LARGE1: variants seen among roughly 807,000 people sequenced by gnomAD.
LARGE1 encodes the protein xylosyl- and glucuronyltransferase LARGE1.
Under a neutral mutation model 87.6 loss-of-function variants are expected in LARGE1, and 43 were observed. That is an observed-to-expected ratio of 0.49 (90% CI 0.38 to 0.63). LARGE1 has a LOEUF of 0.63. LARGE1 is among the 30% of genes least tolerant of loss of function. The pLI is 0.00. For missense variants in LARGE1, 802 were observed against 1,000.2 expected (o/e 0.80, Z 2.67); for synonymous variants, 434 against 394.6 (o/e 1.10, Z -1.18).
chr22:33,402,281 A>G (rs915995918), intron 7 of LARGE1, among the ~76,000 whole-genome samples: 1 of 152,172 alleles, frequency 6.6e-6, no homozygotes, highest in Non-Finnish European at 1.5e-5. Flanking sequence ...GGGCATCACT[A>G]AGTCAACGTC....
Position 33,257,118 on chromosome 22 carries a change from T to C in LARGE1, c.1730+47111A>G, listed in dbSNP as rs79809976. Among the ~76,000 whole-genome samples the C allele has an allele frequency of 0.011, 1,671 of 152,148 alleles. 64 individuals are homozygous for C. In the East Asian group the frequency reaches 0.11, roughly 10 times the overall value. On this transcript the variant is annotated intron_variant, in intron 11 of 11. Coordinates refer to the LARGE1 transcript ENST00000608642. ...TACTCTGGAGGCTGAGGCAGGAGAA[T>C]CGATTGAACCCAGGAAGTGGAGGTT...
chr22:33,340,026 C>T (rs567184437), intron 9 of LARGE1, among the ~76,000 whole-genome samples: 1 of 148,930 alleles, frequency 6.7e-6, no homozygotes, highest in Admixed American at 6.6e-5. Context: ...TTATTAATAT[C>T]TGGTGGCATT....
intron 9 of LARGE1, among the ~76,000 whole-genome samples, chr22:33,354,649 T>C (rs888068104): frequency 6.6e-6 from 1 of 152,204 alleles, no homozygotes; most frequent in Non-Finnish European, 1.5e-5. Context: ...GAGACTTAAA[T>C]ATAATAGCTG....
intron 2 of LARGE1, among the ~76,000 whole-genome samples, chr22:33,700,956 T>C (rs922357219): frequency 6.6e-6 from 1 of 152,092 alleles, no homozygotes; most frequent in Non-Finnish European, 1.5e-5. Flanking sequence ...CAGCTGGCAG[T>C]GAGGACAAAG....
chr22:33,691,738 G>C (rs929566787), intron 2 of LARGE1, among the ~76,000 whole-genome samples: 1 of 152,118 alleles, frequency 6.6e-6, no homozygotes, highest in Non-Finnish European at 1.5e-5. Context: ...TCTTCCTACC[G>C]TCTGGGTCAG....
the LARGE1 span, among the ~76,000 whole-genome samples, chr22:33,113,836 G>A: frequency 1.3e-5 from 2 of 150,586 alleles, no homozygotes; most frequent in Non-Finnish European, 2.9e-5. Context: ...CCATATAGCC[G>A]TGTGCCTCAG....
intron 11 of LARGE1, among the ~76,000 whole-genome samples, chr22:33,167,600 C>T (rs761182635): frequency 4.6e-5 from 7 of 152,086 alleles, no homozygotes; most frequent in South Asian, 2.1e-4. Flanking sequence ...ATTAATAATT[C>T]GAGATTCAAA....
At chr22:33,616,265 G>A (rs916514594) in intron 4 of LARGE1, among the ~76,000 whole-genome samples, 1 of 152,148 alleles carries the variant, frequency 6.6e-6, no homozygotes, top group African/African-American at 2.4e-5. Context: ...CCAGCACTTT[G>A]GGAGGCTGAG....
chr22:33,345,247 C>T (rs1034289591), intron 9 of LARGE1, among the ~76,000 whole-genome samples: 1 of 152,118 alleles, frequency 6.6e-6, no homozygotes, highest in African/African-American at 2.4e-5. Context: ...AAGTTTAGCA[C>T]GTTGCCTGAA....
At chr22:33,412,719 G>A (rs903159673) in intron 7 of LARGE1, among the ~76,000 whole-genome samples, 6 of 152,184 alleles carry the variant, frequency 3.9e-5, no homozygotes, top group African/African-American at 1.4e-4. Context: ...GGAGTGCAGT[G>A]ATGCAATCTC....
chr22:33,782,336 G>A (rs1322412111), intron 1 of LARGE1, among the ~76,000 whole-genome samples: 1 of 152,174 alleles, frequency 6.6e-6, no homozygotes, highest in African/African-American at 2.4e-5. Context: ...TAGAATAAGA[G>A]GAGAGTGGCA....
intron 9 of LARGE1, among the ~76,000 whole-genome samples, chr22:33,378,995 T>C (rs765068364): frequency 1.3e-5 from 2 of 151,964 alleles, no homozygotes; most frequent in Non-Finnish European, 2.9e-5. Flanking sequence ...TATGGGGGTG[T>C]GGGGTGAGGG....
At chr22:33,538,160 C>T (rs960241360) in intron 6 of LARGE1, among the ~76,000 whole-genome samples, 1 of 152,176 alleles carries the variant, frequency 6.6e-6, no homozygotes, top group Non-Finnish European at 1.5e-5. Context: ...TTTGGACCCT[C>T]ACAAACTGCT....
chr22:33,441,703 C>T (rs2067485243), intron 6 of LARGE1, among the ~76,000 whole-genome samples: 1 of 152,144 alleles, frequency 6.6e-6, no homozygotes, highest in Admixed American at 6.5e-5. Flanking sequence ...AGATGATCCT[C>T]CCACCTCAGC....
At chr22:33,232,233 T>C (rs1275711885) in intron 11 of LARGE1, among the ~76,000 whole-genome samples, 1 of 152,234 alleles carries the variant, frequency 6.6e-6, no homozygotes, top group Admixed American at 6.5e-5. Flanking sequence ...TTGCTAAGCC[T>C]AAAGATCTGT....
chr22:33,752,815 A>G (rs1182579688), intron 2 of LARGE1, among the ~76,000 whole-genome samples: 1 of 152,240 alleles, frequency 6.6e-6, no homozygotes, highest in Non-Finnish European at 1.5e-5. Flanking sequence ...CCTAATCCCC[A>G]TGGCCAATGA....
At chr22:33,566,489 T>C (rs2283918) in intron 5 of LARGE1, among the ~76,000 whole-genome samples, 50,135 of 152,012 alleles carry the variant, frequency 0.33, 10,222 homozygotes, top group Non-Finnish European at 0.44. Context: ...CGGGGGGTTC[T>C]TGGTCTCGCT....
At chr22:33,585,616 A>T (rs144524639) in intron 5 of LARGE1, among the ~76,000 whole-genome samples, 73 of 152,314 alleles carry the variant, frequency 4.8e-4, no homozygotes, top group Admixed American at 1.0e-3. Flanking sequence ...GAGCCCACGA[A>T]AATTCCCAAG....
chr22:33,776,503 T>G (rs2085242876), intron 1 of LARGE1, among the ~76,000 whole-genome samples: 2 of 152,224 alleles, frequency 1.3e-5, no homozygotes, highest in Admixed American at 6.5e-5. Flanking sequence ...AGAAGGCTGG[T>G]TTTTATGTTT....
Sources: allele counts gnomAD v4.1 joint callset (sites outside exome capture counted in the v4.1 genomes callset), GRCh38; gene constraint gnomAD v4.1.1; transcripts MANE v1.5; gene names NCBI Gene and HGNC (gene_info 2026-07-23, HGNC 2026-07-21).